Variants in NRG2 observed in about 807,000 individuals in gnomAD.
The protein encoded by NRG2 is neuregulin 2.
NRG2 carries 27 observed loss-of-function variants against 73.9 expected under a neutral mutation model. The ratio of observed to expected loss-of-function variants is 0.37; its 90% confidence interval spans 0.27 to 0.50. The LOEUF is 0.50. Ranked by LOEUF, NRG2 falls within the 20% of genes least tolerant of loss-of-function variation. The pLI is 0.96. For missense variants in NRG2, 1,126 were observed against 1,210.1 expected (o/e 0.93, Z 1.03); for synonymous variants, 532 against 541.0 (o/e 0.98, Z 0.23).
chr5:139,922,392 CA>C (rs1182250419), intron 1 of NRG2, among the ~76,000 whole-genome samples: 1 of 152,100 alleles, frequency 6.6e-6, no homozygotes, highest in Non-Finnish European at 1.5e-5. Flanking sequence ...ATTAAAACAA[CA>C]ACAAGATACC....
At chr5:140,010,293 C>A (rs1340565077) in intron 1 of NRG2, among the ~76,000 whole-genome samples, 1 of 147,812 alleles carries the variant, frequency 6.8e-6, no homozygotes, top group Non-Finnish European at 1.5e-5. Flanking sequence ...GCGAGACTGT[C>A]TCAAAAAAAA....
At chr5:140,039,347 C>A (rs775481933) in intron 1 of NRG2, among the ~76,000 whole-genome samples, 5 of 152,214 alleles carry the variant, frequency 3.3e-5, no homozygotes, top group Non-Finnish European at 5.9e-5. Flanking sequence ...CTTTCTAACT[C>A]TTTTTCCTCG....
intron 1 of NRG2, among the ~76,000 whole-genome samples, chr5:139,897,725 T>C (rs190618103): frequency 1.4e-3 from 220 of 152,194 alleles, no homozygotes; most frequent in African/African-American, 5.0e-3. Context: ...GTGGGATCCA[T>C]TGACAGGTAA....
chr5:140,038,362 GA>G (rs375356436), intron 1 of NRG2, among the ~76,000 whole-genome samples: 2 of 149,838 alleles, frequency 1.3e-5, no homozygotes, highest in African/African-American at 4.9e-5. Context: ...CCTTCCAAAA[GA>G]AAAAAAAATA....
At chr5:139,910,917 G>A (rs1765527188) in intron 1 of NRG2, among the ~76,000 whole-genome samples, 1 of 152,108 alleles carries the variant, frequency 6.6e-6, no homozygotes, top group Admixed American at 6.5e-5. Flanking sequence ...AAGGGAAGAG[G>A]CAGACCCATC....
At chr5:140,016,334 G>A (rs1288946616) in intron 1 of NRG2, among the ~76,000 whole-genome samples, 1 of 152,104 alleles carries the variant, frequency 6.6e-6, no homozygotes, top group African/African-American at 2.4e-5. Context: ...TAAAATTTTG[G>A]ACCAGATAAT....
At chr5:139,875,393 T>A (rs1763110531) in intron 3 of NRG2, among the ~76,000 whole-genome samples, 1 of 152,224 alleles carries the variant, frequency 6.6e-6, no homozygotes, top group Admixed American at 6.5e-5. Context: ...ATGTTTACCC[T>A]GAACCCCAAT....
intron 1 of NRG2, among the ~76,000 whole-genome samples, chr5:139,934,579 C>A (rs1167938200): frequency 6.6e-6 from 1 of 152,012 alleles, no homozygotes; most frequent in Admixed American, 6.5e-5. Flanking sequence ...ACAGATGAGA[C>A]AAATAGAAAA....
rs11738832 is a variant in NRG2 at position 139,915,092 on chromosome 5, G to A, written c.701-27581C>T. On this transcript the variant is annotated intron_variant, in intron 1 of 9. Transcript: ENST00000361474. This position sits in a 1 kb window ranked among gnomAD's most constrained non-coding sequence, Gnocchi z 4.0. ...TAATTCAAGGGGGAAGGGGCTGTGG[G>A]AGAAAAGACCAAATTATAATTAATG... 0.35 allele frequency among the ~76,000 whole-genome samples: 53,318 copies of A among 152,144 alleles called. 11,557 individuals carry two copies. Among genetic ancestry groups the A allele is most frequent in the East Asian group, 0.51 (2,658 of 5,164 alleles).
chr5:139,861,631 C>A, intron 5 of NRG2: 1 of 452,742 alleles, frequency 2.2e-6, no homozygotes, highest in Admixed American at 2.3e-5. Flanking sequence ...GTTTTGGTTT[C>A]TTTGCATTCC....
chr5:139,924,803 C>T (rs2126338460), intron 1 of NRG2, among the ~76,000 whole-genome samples: 1 of 152,324 alleles, frequency 6.6e-6, no homozygotes, highest in East Asian at 1.9e-4. Context: ...TTTCCGGGGC[C>T]TCGCTGAGGT....
chr5:139,886,145 C>A (rs1029035706), intron 2 of NRG2, among the ~76,000 whole-genome samples: 2 of 152,254 alleles, frequency 1.3e-5, no homozygotes, highest in Non-Finnish European at 2.9e-5. Context: ...CTAAGCCAAA[C>A]TCTTCCTTAA....
chr5:139,990,660 G>A (rs1038250852), intron 1 of NRG2, among the ~76,000 whole-genome samples: 2 of 152,120 alleles, frequency 1.3e-5, no homozygotes, highest in South Asian at 4.1e-4. Flanking sequence ...TCCAACACTG[G>A]CATTATCAAA....
chr5:140,019,773 T>C (rs1455774000), intron 1 of NRG2, among the ~76,000 whole-genome samples: 2 of 152,158 alleles, frequency 1.3e-5, no homozygotes, highest in Admixed American at 6.5e-5. Flanking sequence ...AAGTACATGC[T>C]CAATAAATGT....
intron 1 of NRG2, among the ~76,000 whole-genome samples, chr5:139,945,728 C>T (rs75799087): frequency 0.021 from 3,211 of 151,594 alleles, 41 homozygotes; most frequent in Non-Finnish European, 0.033. Flanking sequence ...AAGGAGTCTA[C>T]TAAAAAAAGC....
intron 1 of NRG2, among the ~76,000 whole-genome samples, chr5:139,993,858 G>A (rs1757829233): frequency 6.6e-6 from 1 of 152,170 alleles, no homozygotes; most frequent in Non-Finnish European, 1.5e-5. Context: ...ATGTGTGTGT[G>A]TCTGAATCCA....
At position 139,988,557 on chromosome 5, in the gene NRG2, T is replaced by C. The variant is rs937898450; in HGVS notation, c.700+53813A>G. On this transcript the variant is annotated intron_variant, in intron 1 of 9. Transcript: ENST00000361474. ...CCAATTGAAAAGGTTACGTATTATA[T>C]GATTCCAACTGTATCACATTCTGGA... 3.3e-5 allele frequency among the ~76,000 whole-genome samples: 5 copies of C among 152,010 alleles called. 1 individual carries two copies. Among genetic ancestry groups the C allele is most frequent in the Non-Finnish European group, 7.4e-5 (5 of 67,968 alleles).
intron 1 of NRG2, among the ~76,000 whole-genome samples, chr5:139,986,464 G>T (rs546762283): frequency 1.3e-5 from 2 of 152,152 alleles, no homozygotes; most frequent in African/African-American, 4.8e-5. Flanking sequence ...ACTCAAGACC[G>T]GAGAGAAAGA....
chr5:139,908,098 A>T (rs1254570722), intron 1 of NRG2, among the ~76,000 whole-genome samples: 1 of 152,118 alleles, frequency 6.6e-6, no homozygotes, highest in Non-Finnish European at 1.5e-5. Flanking sequence ...CAATGCAAGG[A>T]CTCCGGCCTT....
Sources: allele counts gnomAD v4.1 joint callset (sites outside exome capture counted in the v4.1 genomes callset), GRCh38; gene constraint gnomAD v4.1.1; non-coding constraint Gnocchi (gnomAD v3.1); transcripts MANE v1.5; gene names NCBI Gene and HGNC (gene_info 2026-07-23, HGNC 2026-07-21).